Variants in KATNAL1 observed in about 807,000 individuals in gnomAD.
KATNAL1 encodes katanin catalytic subunit A1 like 1.
In KATNAL1, 32 loss-of-function variants were observed where a neutral mutation model predicts 55.2. That is an observed-to-expected ratio of 0.58 (90% CI 0.44 to 0.78). KATNAL1 has a LOEUF of 0.78. KATNAL1 is among the 30% of genes least tolerant of loss of function. The pLI, the probability that KATNAL1 is intolerant of heterozygous loss-of-function variation, is 0.00. For synonymous variants in KATNAL1, 193 were observed against 193.6 expected, an observed-to-expected ratio of 1.00 and a Z score of 0.02; for missense variants, 466 against 600.9, an observed-to-expected ratio of 0.78 and a Z score of 2.35.
chr13:30,259,176 C>T (rs985905963), intron 3 of KATNAL1, among the ~76,000 whole-genome samples: 9 of 152,118 alleles, frequency 5.9e-5, no homozygotes, highest in African/African-American at 1.9e-4. Flanking sequence ...CCTGTCTCTA[C>T]TAAAAATACA....
chr13:30,204,510 T>C lies in KATNAL1; in HGVS notation c.*4030A>G, dbSNP rs1413804722. ...CTCATCACACATTTAGCAGTGTATA[T>C]AAAAACTTATTCCTAAGGAAGGAAT... On this transcript the variant is annotated 3_prime_UTR_variant, in exon 11 of 11. Coordinates refer to ENST00000380615, the MANE Select transcript of KATNAL1 (RefSeq NM_032116.5). 3.9e-5 allele frequency: 6 copies of C among 152,330 alleles called. No homozygotes were observed. In the East Asian group the frequency reaches 1.2e-3, roughly 29 times the overall value. The allele number at this position is 152,330 out of a possible 1,614,324, so 9.4% of individuals were successfully genotyped here. A position where few individuals can be genotyped will look rare whatever the true frequency, so the allele number is the denominator to read the frequency against.
At chr13:30,303,792 A>G (rs1413645411) in intron 1 of KATNAL1, among the ~76,000 whole-genome samples, 1 of 152,204 alleles carries the variant, frequency 6.6e-6, no homozygotes. Flanking sequence ...GCCCTATACA[A>G]TAACATTTTA....
At chr13:30,268,856 T>A (rs1312133356) in intron 3 of KATNAL1, among the ~76,000 whole-genome samples, 1 of 152,184 alleles carries the variant, frequency 6.6e-6, no homozygotes, top group East Asian at 1.9e-4. Flanking sequence ...TACTCATTCT[T>A]TCAACAAATA....
chr13:30,219,037 A>C (rs746626762), intron 9 of KATNAL1, among the ~76,000 whole-genome samples: 1 of 152,202 alleles, frequency 6.6e-6, no homozygotes, highest in Non-Finnish European at 1.5e-5. Flanking sequence ...TTATATAAAG[A>C]GGCATTACAT....
At chr13:30,292,379 T>C (rs111377821) in intron 1 of KATNAL1, among the ~76,000 whole-genome samples, 1 of 151,782 alleles carries the variant, frequency 6.6e-6, no homozygotes, top group East Asian at 1.9e-4. Flanking sequence ...TTTTTTTTTT[T>C]CCATCAGTTC....
intron 3 of KATNAL1, among the ~76,000 whole-genome samples, chr13:30,274,901 G>GCACACACACA: frequency 1.8e-5 from 2 of 111,406 alleles, no homozygotes; most frequent in Non-Finnish European, 3.6e-5. Flanking sequence ...ACGCGCGCGC[G>GCACACACACA]CGCGCGCACA....
chr13:30,228,857 A>G (rs1050934868), intron 8 of KATNAL1, among the ~76,000 whole-genome samples: 32 of 152,194 alleles, frequency 2.1e-4, no homozygotes, highest in Admixed American at 2.1e-3. Flanking sequence ...CGCTCAAGCT[A>G]TCCTCCCACC....
intron 9 of KATNAL1, among the ~76,000 whole-genome samples, chr13:30,221,672 G>A (rs1017274165): frequency 9.9e-5 from 15 of 152,158 alleles, no homozygotes; most frequent in South Asian, 2.1e-4. Flanking sequence ...TAAGAGTGGC[G>A]TAGCTAGAAA....
chr13:30,230,465 TACC>T lies in KATNAL1; in HGVS notation c.1012_1012+2del. Reference sequence around the variant, plus strand: ...TTTGAAACAATAATTAAATATCAATTACCATCCATCTGAATGAGCAGTTCAGAC... The same window carrying T: ...TTTGAAACAATAATTAAATATCAATTATCCATCTGAATGAGCAGTTCAGAC... On this transcript the variant is annotated splice_donor_variant and coding_sequence_variant, in exon 8 of 11. Transcript: ENST00000380615. LOFTEE classifies it high-confidence loss of function. The T allele has an allele frequency of 6.2e-7, 1 of 1,605,020 alleles. No individual in the cohort carries two copies. The highest frequency in any genetic ancestry group is 8.5e-7 in the Non-Finnish European group (1 of 1,177,180).
intron 9 of KATNAL1, among the ~76,000 whole-genome samples, chr13:30,226,465 G>C (rs1875478639): frequency 6.6e-6 from 1 of 152,148 alleles, no homozygotes; most frequent in Non-Finnish European, 1.5e-5. Context: ...AACCTCAAGT[G>C]AAAGTAGCCA....
intron 1 of KATNAL1, among the ~76,000 whole-genome samples, chr13:30,284,126 C>T (rs1881614580): frequency 6.6e-6 from 1 of 152,164 alleles, no homozygotes; most frequent in Non-Finnish European, 1.5e-5. Context: ...TCCCAAAGTG[C>T]TGGGATTACA....
rs759575228 is a variant in KATNAL1 at position 30,233,220 on chromosome 13, T to C, written c.727-1748A>G. Among the ~76,000 whole-genome samples, 113 of 152,252 alleles carry C rather than the reference T, an allele frequency of 7.4e-4. 1 individual carries two copies. Among genetic ancestry groups the C allele is most frequent in the Non-Finnish European group, 1.5e-3 (100 of 67,996 alleles). On this transcript the variant is annotated intron_variant, in intron 6 of 10. Transcript: ENST00000380615. ...GCAAAATATCCATCTGACAAGGGAT[T>C]AGTAACCAGAACACATAAGCAGCTC...
At position 30,296,635 on chromosome 13, in the gene KATNAL1, A is replaced by G. The variant is rs958958074; in HGVS notation, c.-15+10696T>C. ...CTGGTCCAGACCATCCAGTACACGG[A>G]CGAGCACAGGGAAGTTTGTCCTGCT... On this transcript the variant is annotated intron_variant, in intron 1 of 10. Coordinates refer to ENST00000380615, the MANE Select transcript of KATNAL1 (RefSeq NM_032116.5). The G allele has an allele frequency of 2.2e-5, 15 of 695,466 alleles. No homozygotes were observed. In the East Asian group the frequency reaches 4.1e-4, roughly 19 times the overall value. The allele number at this position is 695,466 out of a possible 1,614,324, so 43.1% of individuals were successfully genotyped here.
intron 1 of KATNAL1, among the ~76,000 whole-genome samples, chr13:30,303,779 A>T (rs1883010246): frequency 6.6e-6 from 1 of 152,206 alleles, no homozygotes; most frequent in South Asian, 2.1e-4. Flanking sequence ...CATTGGTATT[A>T]ATGCCCTATA....
chr13:30,288,425 G>C (rs1881933505), intron 1 of KATNAL1, among the ~76,000 whole-genome samples: 1 of 152,188 alleles, frequency 6.6e-6, no homozygotes, highest in African/African-American at 2.4e-5. Flanking sequence ...TTTGAACTCA[G>C]AAAACATACC....
intron 8 of KATNAL1, among the ~76,000 whole-genome samples, chr13:30,230,057 T>C (rs1875936007): frequency 6.6e-6 from 1 of 151,656 alleles, no homozygotes. Context: ...CCCTACGTCT[T>C]ACAGCCTCTC....
At chr13:30,251,911 G>A (rs1488908838) in intron 4 of KATNAL1, among the ~76,000 whole-genome samples, 1 of 152,162 alleles carries the variant, frequency 6.6e-6, no homozygotes, top group African/African-American at 2.4e-5. Flanking sequence ...AGATCACTAT[G>A]CAAAGTGATT....
intron 3 of KATNAL1, among the ~76,000 whole-genome samples, chr13:30,259,461 T>C (rs878895480): frequency 2.0e-5 from 3 of 152,172 alleles, no homozygotes; most frequent in Admixed American, 1.3e-4. Context: ...TCTGAGGTAC[T>C]GGGTTCATCT....
chr13:30,211,924 TAC>T (rs752246140), intron 9 of KATNAL1, among the ~76,000 whole-genome samples: 5 of 152,186 alleles, frequency 3.3e-5, no homozygotes, highest in Non-Finnish European at 7.3e-5. Context: ...GAAGCATAAT[TAC>T]AGACACTGAA....
Sources: gnomAD v4.1 joint callset for allele counts (sites outside exome capture counted in the v4.1 genomes callset) on GRCh38, gnomAD v4.1.1 for gene constraint, MANE v1.5 for transcripts, NCBI Gene and HGNC (gene_info 2026-07-23, HGNC 2026-07-21) for gene names.